Variants in KALRN observed in about 807,000 individuals in gnomAD.
KALRN encodes kalirin.
Under a neutral mutation model 353.7 loss-of-function variants are expected in KALRN, and 70 were observed. That is an observed-to-expected ratio of 0.20 (90% CI 0.16 to 0.24). The LOEUF is 0.24. Ranked by LOEUF, KALRN falls within the 10% of genes least tolerant of loss-of-function variation. The pLI is 1.00. For synonymous variants in KALRN, 1,391 were observed against 1,434.8 expected, an observed-to-expected ratio of 0.97 and a Z score of 0.69; for missense variants, 2,791 against 3,756.7, an observed-to-expected ratio of 0.74 and a Z score of 6.72.
chr3:124,636,667 G>T (rs2081382161), intron 36 of KALRN, among the ~76,000 whole-genome samples: 1 of 152,168 alleles, frequency 6.6e-6, no homozygotes, highest in African/African-American at 2.4e-5. Context: ...TAGGAAGGGA[G>T]TATCTAGCTT....
chr3:124,244,207 T>C (rs1372081893), intron 3 of KALRN, among the ~76,000 whole-genome samples: 1 of 152,200 alleles, frequency 6.6e-6, no homozygotes, highest in Non-Finnish European at 1.5e-5. Flanking sequence ...ATAATAACAA[T>C]ATATTAACAT....
chr3:124,048,851 C>G (rs1559870859), intron 1 of KALRN, among the ~76,000 whole-genome samples: 2 of 152,166 alleles, frequency 1.3e-5, no homozygotes, highest in African/African-American at 4.8e-5. Context: ...AACCATTCTC[C>G]TAATGATAGA....
At chr3:124,633,726 A>G (rs652046) in intron 35 of KALRN, 126 bp from the exon 36 acceptor site, 469,331 of 729,992 alleles carry the variant, frequency 0.64, 155,986 homozygotes, top group African/African-American at 0.93. Flanking sequence ...GGAAATTGCG[A>G]CTGAACAGTT....
At chr3:124,293,661 A>C (rs1468320001) in intron 5 of KALRN, among the ~76,000 whole-genome samples, 1 of 152,234 alleles carries the variant, frequency 6.6e-6, no homozygotes, top group Admixed American at 6.5e-5. Flanking sequence ...ACTTACATGT[A>C]ACATCTATCT....
chr3:124,341,914 C>T (rs797011007), intron 9 of KALRN, among the ~76,000 whole-genome samples: 2 of 151,326 alleles, frequency 1.3e-5, no homozygotes, highest in African/African-American at 2.4e-5. Context: ...AGTGGGTACA[C>T]GAGAGGAAAG....
intron 11 of KALRN, among the ~76,000 whole-genome samples, chr3:124,385,496 T>C (rs544551160): frequency 3.3e-5 from 5 of 152,288 alleles, no homozygotes; most frequent in Admixed American, 3.3e-4. Flanking sequence ...GTTTTTTCTG[T>C]GTTTTTATTT....
At chr3:124,329,709 A>T in intron 7 of KALRN, 152 bp from the exon 8 acceptor site, 1 of 761,214 alleles carries the variant, frequency 1.3e-6, no homozygotes, top group Non-Finnish European at 2.1e-6. Flanking sequence ...TAGTGTTCAT[A>T]GAATTAAAAA....
chr3:124,627,790 C>T (rs545305722), intron 34 of KALRN, among the ~76,000 whole-genome samples: 1 of 152,192 alleles, frequency 6.6e-6, no homozygotes, highest in Admixed American at 6.5e-5. Flanking sequence ...GAAACAATGT[C>T]AACACACCCA....
At chr3:124,561,684 GCA>G (rs1211547751) in intron 33 of KALRN, among the ~76,000 whole-genome samples, 1 of 152,208 alleles carries the variant, frequency 6.6e-6, no homozygotes, top group Non-Finnish European at 1.5e-5. Context: ...AATCAGAGAT[GCA>G]CAGACTGAAG....
At chr3:124,422,554 A>G (rs1299654099) in intron 14 of KALRN, among the ~76,000 whole-genome samples, 1 of 152,152 alleles carries the variant, frequency 6.6e-6, no homozygotes, top group Non-Finnish European at 1.5e-5. Flanking sequence ...ATATAACTGT[A>G]ATTCCTGTTG....
chr3:124,586,836 G>A (rs2075241990), intron 34 of KALRN, among the ~76,000 whole-genome samples: 1 of 152,188 alleles, frequency 6.6e-6, no homozygotes, highest in Admixed American at 6.5e-5. Context: ...GGACGATGGT[G>A]GGGGAGGTGA....
chr3:124,471,260 TTA>T (rs1180633064), intron 25 of KALRN, among the ~76,000 whole-genome samples: 23 of 55,416 alleles, frequency 4.2e-4, no homozygotes, highest in Middle Eastern at 6.5e-3. Context: ...CAAAGTTTTA[TTA>T]TTATTATTAT....
In KALRN at chr3:124,454,625, C is replaced by A. The variant is rs543662430; in HGVS notation, c.3553-552C>A. ...CTGAAGTAGGATCAGCCCTCCGTAT[C>A]TACAGGTGTCGCATCCGTGGATTCA... On this transcript the variant is annotated intron_variant, in intron 21 of 59. Coordinates refer to ENST00000682506, the MANE Select transcript of KALRN (RefSeq NM_001388419.1). 2.6e-5 allele frequency among the ~76,000 whole-genome samples: 4 copies of A among 152,104 alleles called. No individual in the cohort carries two copies. In the South Asian group the frequency reaches 8.4e-4, roughly 32 times the overall value.
chr3:124,444,289 T>G (rs2093759366), intron 19 of KALRN, among the ~76,000 whole-genome samples: 1 of 152,176 alleles, frequency 6.6e-6, no homozygotes, highest in Non-Finnish European at 1.5e-5. Context: ...GAATTTCCTA[T>G]AGTGGTGATA....
chr3:124,416,018 G>C (rs1261474786), intron 14 of KALRN, among the ~76,000 whole-genome samples: 1 of 152,208 alleles, frequency 6.6e-6, no homozygotes, highest in Non-Finnish European at 1.5e-5. Flanking sequence ...CTGGACTCGG[G>C]ATTTAGCCCC....
chr3:124,421,932 A>G lies in KALRN; in HGVS notation c.2543-880A>G, dbSNP rs190515776. ...TGGGGCAACAGCTTCTGGCTGGCAT[A>G]TATTGACTCAAGGCTCCCATTGTAG... On this transcript the variant is annotated intron_variant, in intron 14 of 59. Coordinates refer to ENST00000682506, the MANE Select transcript of KALRN (RefSeq NM_001388419.1). Among the ~76,000 whole-genome samples, 92 of 152,332 alleles carry G rather than the reference A, an allele frequency of 6.0e-4. 2 individuals carry two copies. In the South Asian group the frequency reaches 7.3e-3, roughly 12 times the overall value.
intron 10 of KALRN, among the ~76,000 whole-genome samples, chr3:124,371,503 A>G (rs1423250804): frequency 6.6e-6 from 1 of 151,686 alleles, no homozygotes; most frequent in Non-Finnish European, 1.5e-5. Context: ...TTTTCAGGAA[A>G]CTCCATACTG....
At chr3:124,191,596 G>GT (rs1215035797) in intron 1 of KALRN, among the ~76,000 whole-genome samples, 2 of 152,142 alleles carry the variant, frequency 1.3e-5, no homozygotes, top group Non-Finnish European at 2.9e-5. Context: ...GTCTAAGATG[G>GT]TTTTTTTAAT....
At chr3:124,228,657 G>C (rs2078841177) in intron 2 of KALRN, among the ~76,000 whole-genome samples, 2 of 152,124 alleles carry the variant, frequency 1.3e-5, no homozygotes, top group Admixed American at 1.3e-4. Context: ...AGTTTTATTG[G>C]TACACAGCAA....
Sources: gnomAD v4.1 joint callset for allele counts (sites outside exome capture counted in the v4.1 genomes callset) on GRCh38, gnomAD v4.1.1 for gene constraint, MANE v1.5 for transcripts, NCBI Gene and HGNC (gene_info 2026-07-23, HGNC 2026-07-21) for gene names.